WWOX: variants seen among roughly 807,000 people sequenced by gnomAD.
The protein encoded by WWOX is WW domain-containing oxidoreductase.
In WWOX, 69 loss-of-function variants were observed where a neutral mutation model predicts 46.2. The ratio of observed to expected loss-of-function variants is 1.49; its 90% CI spans 1.23 to 1.82. The LOEUF is 1.82. Among genes scored for constraint, WWOX ranks in the 40% most tolerant of loss-of-function variants. The pLI, the probability that WWOX is intolerant of heterozygous loss-of-function variation, is 0.00. For missense variants in WWOX, 919 were observed against 542.6 expected, an observed-to-expected ratio of 1.69 and a Z score of -6.89; for synonymous variants, 359 against 202.6, an observed-to-expected ratio of 1.77 and a Z score of -6.56.
At chr16:79,153,753 TG>T (rs199653281) in intron 8 of WWOX, among the ~76,000 whole-genome samples, 1 of 151,912 alleles carries the variant, frequency 6.6e-6, no homozygotes, top group Non-Finnish European at 1.5e-5. Context: ...ATCTGTTTTT[TG>T]GGGGGGGTTT....
chr16:78,385,823 G>C (rs142695846), intron 5 of WWOX, among the ~76,000 whole-genome samples: 1 of 152,178 alleles, frequency 6.6e-6, no homozygotes, highest in African/African-American at 2.4e-5. Flanking sequence ...GAATAGGCAG[G>C]TGGCCCTGTG....
intron 8 of WWOX, among the ~76,000 whole-genome samples, chr16:79,057,969 T>A (rs535227260): frequency 6.6e-6 from 1 of 152,288 alleles, no homozygotes; most frequent in South Asian, 2.1e-4. Flanking sequence ...GTTTGCTTCT[T>A]CTCGGGCTCT....
chr16:78,697,788 A>G (rs561817983), intron 8 of WWOX, among the ~76,000 whole-genome samples: 3 of 152,248 alleles, frequency 2.0e-5, no homozygotes, highest in African/African-American at 7.2e-5. Flanking sequence ...TCAACTCGGT[A>G]TAGGGTTTAA....
intron 8 of WWOX, among the ~76,000 whole-genome samples, chr16:78,769,460 C>G (rs1354932064): frequency 6.6e-6 from 1 of 152,120 alleles, no homozygotes; most frequent in Non-Finnish European, 1.5e-5. Flanking sequence ...AAAGTCCTTG[C>G]TTGCATTCTG....
chr16:78,705,933 G>A (rs970699331), intron 8 of WWOX, among the ~76,000 whole-genome samples: 11 of 152,270 alleles, frequency 7.2e-5, no homozygotes, highest in Non-Finnish European at 1.3e-4. Context: ...TACACACTAA[G>A]GAATGTTTGA....
At chr16:79,087,226 G>T (rs774683906) in intron 8 of WWOX, among the ~76,000 whole-genome samples, 2 of 152,196 alleles carry the variant, frequency 1.3e-5, no homozygotes, top group African/African-American at 4.8e-5. Flanking sequence ...TTCAAAAGTG[G>T]CATGGATCAG....
chr16:78,487,638 G>T (rs560343975), intron 8 of WWOX, among the ~76,000 whole-genome samples: 108 of 152,206 alleles, frequency 7.1e-4, no homozygotes, highest in African/African-American at 2.3e-3. Flanking sequence ...TCTTGGAGAT[G>T]TTTAGTAACA....
intron 5 of WWOX, among the ~76,000 whole-genome samples, chr16:78,279,757 A>C (rs1356191079): frequency 1.3e-5 from 2 of 152,214 alleles, no homozygotes; most frequent in Admixed American, 6.5e-5. Context: ...TTAAAATAAA[A>C]GTGAGATACC....
At chr16:78,547,127 G>GGAAAAA (rs2044052706) in intron 8 of WWOX, among the ~76,000 whole-genome samples, 1 of 87,516 alleles carries the variant, frequency 1.1e-5, no homozygotes, top group African/African-American at 6.8e-5. Context: ...CCTTGTCTCA[G>GGAAAAA]AAAAAAAAAA....
chr16:79,074,695 T>A (rs4888919), intron 8 of WWOX, among the ~76,000 whole-genome samples: 108,261 of 151,690 alleles, frequency 0.71, 39,692 homozygotes, highest in African/African-American at 0.88. Flanking sequence ...TTGATCAGCA[T>A]ATGTTATTTA....
At chr16:78,657,077 C>T (rs1016459402) in intron 8 of WWOX, among the ~76,000 whole-genome samples, 1 of 152,098 alleles carries the variant, frequency 6.6e-6, no homozygotes, top group African/African-American at 2.4e-5. Flanking sequence ...TTGAGTGGTG[C>T]CATCATTCAT....
rs112216780 is a variant in WWOX at position 78,478,540 on chromosome 16, C to G, written c.1056+45788C>G. 3.7e-3 allele frequency among the ~76,000 whole-genome samples: 570 copies of G among 152,240 alleles called. 3 individuals carry two copies. The highest frequency in any genetic ancestry group is 0.013 in the African/African-American group (540 of 41,508). ...AGAACAAATGGCTTGGCAGCCTACT[C>G]TCCTCTCTCGAAGCTCCATGCCCAC... On this transcript the variant is annotated intron_variant, in intron 8 of 8. Transcript: ENST00000566780.
In WWOX at chr16:79,033,500, A is replaced by G. The variant is rs1013664861; in HGVS notation, c.1057-178108A>G. On this transcript the variant is annotated intron_variant, in intron 8 of 8. Coordinates refer to ENST00000566780, the MANE Select transcript of WWOX (RefSeq NM_016373.4). Reference sequence around the variant, plus strand: ...TGGTTTTAGGCTCACAGCAAAATCGAGTGGAAGGTACAGGGATTTTCCAGA... The same window carrying G: ...TGGTTTTAGGCTCACAGCAAAATCGGGTGGAAGGTACAGGGATTTTCCAGA... 1.6e-4 allele frequency among the ~76,000 whole-genome samples: 24 copies of G among 152,192 alleles called. No homozygotes were observed. In the South Asian group the frequency reaches 3.5e-3, roughly 22 times the overall value.
intron 5 of WWOX, among the ~76,000 whole-genome samples, chr16:78,348,876 G>T (rs35976157): frequency 8.3e-6 from 1 of 119,832 alleles, no homozygotes; most frequent in Non-Finnish European, 2.0e-5. Flanking sequence ...TTTTGTGGTG[G>T]TGATACATTA....
Position 78,573,775 on chromosome 16 carries a change from G to T in WWOX, c.1056+141023G>T, listed in dbSNP as rs144921143. ...CTTGCCACACCATCTGCTCATTCTC[G>T]ATCTCCACTTGAACACACTTCACAT... On this transcript the variant is annotated intron_variant, in intron 8 of 8. Coordinates refer to ENST00000566780, the MANE Select transcript of WWOX (RefSeq NM_016373.4). Among the ~76,000 whole-genome samples, 21 of 152,240 alleles carry T rather than the reference G, an allele frequency of 1.4e-4. No individual in the cohort carries two copies. The East Asian group carries it at 3.3e-3, about 24-fold the overall frequency.
At chr16:78,967,375 C>G (rs949492192) in intron 8 of WWOX, among the ~76,000 whole-genome samples, 2 of 146,148 alleles carry the variant, frequency 1.4e-5, no homozygotes, top group South Asian at 4.4e-4. Flanking sequence ...CTGCAGCCTC[C>G]CGGGCTCAAG....
At chr16:78,605,616 A>T (rs918775335) in intron 8 of WWOX, among the ~76,000 whole-genome samples, 1 of 152,160 alleles carries the variant, frequency 6.6e-6, no homozygotes, top group Non-Finnish European at 1.5e-5. Flanking sequence ...TAACAACCCA[A>T]ATGTTAAAAT....
intron 8 of WWOX, among the ~76,000 whole-genome samples, chr16:78,723,892 C>T (rs969635184): frequency 2.0e-5 from 3 of 152,080 alleles, no homozygotes; most frequent in Non-Finnish European, 4.4e-5. Flanking sequence ...TTGTTTATAG[C>T]CCCAAAGACA....
intron 5 of WWOX, among the ~76,000 whole-genome samples, chr16:78,287,691 C>A (rs181749879): frequency 1.3e-5 from 2 of 152,274 alleles, no homozygotes; most frequent in East Asian, 3.9e-4. Flanking sequence ...CAGGCCAAAA[C>A]GGCCATCTCC....
Sources: allele counts gnomAD v4.1 joint callset (sites outside exome capture counted in the v4.1 genomes callset), GRCh38; gene constraint gnomAD v4.1.1; transcripts MANE v1.5; gene names NCBI Gene and HGNC (gene_info 2026-07-23, HGNC 2026-07-21).